Variants in GID4 observed in about 807,000 individuals in gnomAD.
GID4 encodes the protein glucose-induced degradation protein 4 homolog.
Under a neutral mutation model 32.4 loss-of-function variants are expected in GID4, and 7 were observed. The ratio of observed to expected loss-of-function variants is 0.22; its 90% CI spans 0.12 to 0.41. The LOEUF is 0.41. Ranked by LOEUF, GID4 falls within the 10% of genes least tolerant of loss-of-function variation. The pLI is 1.00. For synonymous variants in GID4, 166 were observed against 170.0 expected, an observed-to-expected ratio of 0.98 and a Z score of 0.18; for missense variants, 309 against 400.0, an observed-to-expected ratio of 0.77 and a Z score of 1.94.
chr17:18,055,170 CAA>C (rs1229089550), intron 3 of GID4, among the ~76,000 whole-genome samples: 33 of 59,710 alleles, frequency 5.5e-4, no homozygotes, highest in Admixed American at 1.1e-3. Flanking sequence ...GACTCCGTCT[CAA>C]AAAAAAAAAA....
intron 2 of GID4, among the ~76,000 whole-genome samples, chr17:18,053,157 G>A (rs1427100577): frequency 6.7e-6 from 1 of 149,596 alleles, no homozygotes; most frequent in Non-Finnish European, 1.5e-5. Flanking sequence ...GGGATTACAG[G>A]CATGCGCCAC....
chr17:18,049,408 A>AT (rs1189119826), intron 2 of GID4, among the ~76,000 whole-genome samples: 4 of 149,244 alleles, frequency 2.7e-5, no homozygotes, highest in African/African-American at 9.8e-5. Flanking sequence ...GCTACCTCAC[A>AT]TTCACAAACA....
chr17:18,057,024 T>C, intron 3 of GID4: 2 of 1,546,110 alleles, frequency 1.3e-6, no homozygotes, highest in Non-Finnish European at 1.7e-6. Context: ...CATTATAAAC[T>C]AGAATCAGAG....
Position 18,065,298 on chromosome 17 carries a change from C to A in GID4, c.*55C>A. ...CTGAACTTGGCAAAAAAGAACTTTG[C>A]CGAGAAAATTGTGTACCTGCCAGAA... On this transcript the variant is annotated 3_prime_UTR_variant, in exon 6 of 6. Transcript: ENST00000268719. The A allele has an allele frequency of 7.2e-7, 1 of 1,398,298 alleles. No homozygotes were observed. Among genetic ancestry groups the A allele is most frequent in the Non-Finnish European group, 1.0e-6 (1 of 985,018 alleles). 86.6% of individuals were successfully genotyped at this position (1,398,298 alleles called of 1,614,324 possible).
intron 3 of GID4, chr17:18,056,651 C>A: frequency 1.3e-6 from 2 of 1,524,622 alleles, no homozygotes; most frequent in South Asian, 1.2e-5. Context: ...AGGTTGACTA[C>A]AAATTAAATA....
At chr17:18,050,397 C>T (rs1279453269) in intron 2 of GID4, among the ~76,000 whole-genome samples, 1 of 152,210 alleles carries the variant, frequency 6.6e-6, no homozygotes, top group East Asian at 1.9e-4. Context: ...TCTTTTTGCA[C>T]TTTTGAGCCA....
At chr17:18,042,736 G>A (rs534577265) in intron 1 of GID4, among the ~76,000 whole-genome samples, 1 of 152,284 alleles carries the variant, frequency 6.6e-6, no homozygotes, top group East Asian at 1.9e-4. Flanking sequence ...AACTGGCCCT[G>A]CATTGTTTTA....
intron 2 of GID4, among the ~76,000 whole-genome samples, chr17:18,048,020 C>T (rs927559008): frequency 6.6e-6 from 1 of 151,782 alleles, no homozygotes; most frequent in African/African-American, 2.4e-5. Context: ...CCTGCCTCAG[C>T]CTCCCGAGTA....
At chr17:18,057,647 C>T (rs2044981200) in intron 3 of GID4, among the ~76,000 whole-genome samples, 1 of 152,114 alleles carries the variant, frequency 6.6e-6, no homozygotes, top group Non-Finnish European at 1.5e-5. Context: ...TTTGGGTATA[C>T]AGTGTATACT....
chr17:18,039,542 G>A lies in GID4; in HGVS notation c.78G>A (p.Arg26=). 1 of 1,307,808 alleles carries A rather than the reference G, an allele frequency of 7.6e-7. No individual in the cohort carries two copies. The highest frequency in any genetic ancestry group is 2.4e-5 in the South Asian group (1 of 42,460). The allele number at this position is 1,307,808 out of a possible 1,614,324, so 81.0% of individuals were successfully genotyped here. A position where few individuals can be genotyped will look rare whatever the true frequency, so the allele number is the denominator to read the frequency against. ...GRPCSQVPGS[R]WRPERLLRRQ... is the part of the protein sequence containing the mutation. The stretch of plus-strand genomic sequence containing the variant: ...CCTGCTCGCAGGTCCCTGGGTCCCG[G>A]TGGCGGCCGGAGCGCTTGCTCCGCA... The change falls in exon 1 of 6, where the codon CGG becomes CGA. Residue 26 remains arginine, a synonymous_variant. Transcript: ENST00000268719. The surrounding 1 kb of genome is among the most constrained non-coding windows in gnomAD (Gnocchi z 5.3).
chr17:18,059,178 A>T (rs1376988515), intron 4 of GID4, among the ~76,000 whole-genome samples: 1 of 152,182 alleles, frequency 6.6e-6, no homozygotes, highest in Non-Finnish European at 1.5e-5. Flanking sequence ...TGTCCCAGAC[A>T]GCTCCTCCTC....
rs2142153602 is a variant in GID4, at chr17:18,061,703, C to T, written c.709-142C>T. The T allele has an allele frequency of 1.3e-6, 1 of 771,172 alleles. No homozygotes were observed. The highest frequency in any genetic ancestry group is 2.5e-5 in the East Asian group (1 of 40,264). 47.8% of individuals were successfully genotyped at this position (771,172 alleles called of 1,614,324 possible). A position where few individuals can be genotyped will look rare whatever the true frequency, so the allele number is the denominator to read the frequency against. ...TCAGGCTGAGACCCCACGGGCCCGCCATCACCCAGCAAGTCTAGGTTAGAC... is the reference window on the plus strand; with the variant it reads ...TCAGGCTGAGACCCCACGGGCCCGCTATCACCCAGCAAGTCTAGGTTAGAC... On this transcript the variant is annotated intron_variant, in intron 4 of 5. Transcript: ENST00000268719. The surrounding 1 kb of genome is among the most constrained non-coding windows in gnomAD (Gnocchi z 4.4).
At chr17:18,055,841 T>TGTTTG (rs2044961880) in intron 3 of GID4, among the ~76,000 whole-genome samples, 1 of 151,728 alleles carries the variant, frequency 6.6e-6, no homozygotes, top group African/African-American at 2.4e-5. Context: ...TGTTCTGTTT[T>TGTTTG]GTTTGGTTTG....
chr17:18,062,014 G>A, intron 5 of GID4, 39 bp downstream of exon 5: 1 of 1,605,162 alleles, frequency 6.2e-7, no homozygotes, highest in Non-Finnish European at 8.5e-7. Context: ...GGGAGGGCTT[G>A]CTGCCCAGCT....
intron 4 of GID4, among the ~76,000 whole-genome samples, chr17:18,059,964 T>C (rs968296233): frequency 1.3e-5 from 2 of 151,124 alleles, no homozygotes; most frequent in Non-Finnish European, 2.9e-5. Context: ...CATGCCCCTG[T>C]AGTCGCAGCT....
intron 2 of GID4, among the ~76,000 whole-genome samples, chr17:18,047,638 C>T (rs2145555020): frequency 6.6e-6 from 1 of 152,350 alleles, no homozygotes; most frequent in South Asian, 2.1e-4. Flanking sequence ...AACAGAACCT[C>T]TGCAGATGGC....
At chr17:18,046,714 G>A (rs1426339777) in intron 2 of GID4, among the ~76,000 whole-genome samples, 6 of 151,906 alleles carry the variant, frequency 3.9e-5, no homozygotes. Context: ...CTGAGGTCAG[G>A]AGTTCAAGAC....
intron 1 of GID4, among the ~76,000 whole-genome samples, chr17:18,040,668 G>A (rs1245669486): frequency 6.6e-6 from 1 of 152,154 alleles, no homozygotes; most frequent in Non-Finnish European, 1.5e-5. Context: ...ACCATTTGCA[G>A]TCTTTTCCCA....
chr17:18,052,150 C>T (rs1199673429), intron 2 of GID4, among the ~76,000 whole-genome samples: 1 of 151,764 alleles, frequency 6.6e-6, no homozygotes, highest in Non-Finnish European at 1.5e-5. Flanking sequence ...TCTCCTCTCT[C>T]ATTTTTTCAG....
Sources: allele counts gnomAD v4.1 joint callset (sites outside exome capture counted in the v4.1 genomes callset), GRCh38; gene constraint gnomAD v4.1.1; non-coding constraint Gnocchi (gnomAD v3.1); transcripts MANE v1.5; gene names NCBI Gene and HGNC (gene_info 2026-07-23, HGNC 2026-07-21).